Variants in USH2A observed in about 807,000 individuals in gnomAD.
USH2A encodes the protein usherin, also known as Usher syndrome 2A (autosomal recessive, mild).
In USH2A, 443 loss-of-function variants were observed where a neutral mutation model predicts 538.9. The observed-to-expected ratio is 0.82, with a 90% CI of 0.76 to 0.89. USH2A has a LOEUF of 0.89. Among genes scored for constraint, USH2A ranks in the 40% least tolerant of loss-of-function variants. USH2A has a pLI of 0.00. For missense variants in USH2A, 6,633 were observed against 6,324.8 expected, an observed-to-expected ratio of 1.05 and a Z score of -1.65; for synonymous variants, 2,413 against 2,273.5, an observed-to-expected ratio of 1.06 and a Z score of -1.75.
chr1:216,247,087 T>G lies in USH2A; in HGVS notation c.2307A>C (p.Lys769Asn). The G allele has an allele frequency of 6.2e-7, 1 of 1,614,054 alleles. No homozygotes were observed. The highest frequency in any genetic ancestry group is 8.5e-7 in the Non-Finnish European group (1 of 1,179,960). The change falls in exon 13 of 72, where the codon AAA (lysine) becomes AAC (asparagine). Residue 769 changes from lysine to asparagine, a missense_variant. Transcript: ENST00000307340. Reference protein sequence around the residue: ...CNPHSGQCECKKEAKGLQCDT... With the variant: ...CNPHSGQCECNKEAKGLQCDT... ...CACACTGAAGTCCTTTGGCTTCTTT[T>G]TTGCACTCACACTGCCCAGAGTGAG...
At chr1:215,639,821 T>TC (rs1443589913) in intron 68 of USH2A, among the ~76,000 whole-genome samples, 1 of 152,222 alleles carries the variant, frequency 6.6e-6, no homozygotes, top group Non-Finnish European at 1.5e-5. Context: ...TGTAGCTGAA[T>TC]CTTTGTAAAA....
intron 47 of USH2A, among the ~76,000 whole-genome samples, chr1:215,826,468 G>A (rs4268330): frequency 0.42 from 63,963 of 152,004 alleles, 13,786 homozygotes; most frequent in Admixed American, 0.55. Flanking sequence ...TGGATAAAAT[G>A]GAATAGGAAA....
intron 11 of USH2A, among the ~76,000 whole-genome samples, chr1:216,271,915 T>A (rs899719719): frequency 6.6e-6 from 1 of 152,154 alleles, no homozygotes; most frequent in Admixed American, 6.6e-5. Flanking sequence ...CATTTGCTAA[T>A]ATGCTGTTAA....
At chr1:215,861,634 C>T (rs1389467952) in intron 44 of USH2A, among the ~76,000 whole-genome samples, 2 of 152,112 alleles carry the variant, frequency 1.3e-5, no homozygotes, top group South Asian at 2.1e-4. Context: ...CAAGTAGGCA[C>T]ACACCCAGTG....
chr1:215,639,385 C>A, intron 68 of USH2A, 147 bp from the exon 69 acceptor site: 1 of 765,574 alleles, frequency 1.3e-6, no homozygotes, highest in South Asian at 1.6e-5. Context: ...AAAATTACTT[C>A]TAATTTTAAA....
chr1:216,068,352 TAA>T (rs909608348), intron 30 of USH2A, among the ~76,000 whole-genome samples: 1 of 152,108 alleles, frequency 6.6e-6, no homozygotes, highest in Admixed American at 6.6e-5. Context: ...CAATGGGAGA[TAA>T]AAGAGTTTGA....
At chr1:216,388,278 T>C (rs2039040137) in intron 3 of USH2A, among the ~76,000 whole-genome samples, 1 of 152,136 alleles carries the variant, frequency 6.6e-6, no homozygotes, top group South Asian at 2.1e-4. Context: ...TTTCTAAAAA[T>C]TGGGATTGTT....
chr1:215,814,991 CATT>C (rs1662817633), intron 48 of USH2A, among the ~76,000 whole-genome samples: 1 of 152,036 alleles, frequency 6.6e-6, no homozygotes, highest in African/African-American at 2.4e-5. Flanking sequence ...TTTTGGGAAA[CATT>C]GATGTTTACA....
chr1:216,207,159 C>T (rs2035131616), intron 16 of USH2A, 114 bp downstream of exon 16: 1 of 1,279,464 alleles, frequency 7.8e-7, no homozygotes, highest in Admixed American at 1.9e-5. Flanking sequence ...CTGTTTGAAA[C>T]ACTCTGTGCC....
At chr1:216,228,507 C>A (rs2102514732) in intron 14 of USH2A, among the ~76,000 whole-genome samples, 1 of 152,164 alleles carries the variant, frequency 6.6e-6, no homozygotes, top group South Asian at 2.1e-4. Context: ...TAGGGTCTTT[C>A]CCCTGCTGTT....
At chr1:216,195,378 T>TG (rs1404430046) in intron 19 of USH2A, among the ~76,000 whole-genome samples, 1 of 151,958 alleles carries the variant, frequency 6.6e-6, no homozygotes, top group Non-Finnish European at 1.5e-5. Context: ...TGAAAGAATG[T>TG]GGAAAAAAAG....
rs140665655 is a variant in USH2A, at chr1:216,190,103, T to C, written c.4396+120A>G. 1.2e-3 allele frequency: 1,722 copies of C among 1,400,224 alleles called. 19 individuals are homozygous for C. The African/African-American group carries it at 0.022, about 18-fold the overall frequency. 86.7% of individuals were successfully genotyped at this position (1,400,224 alleles called of 1,614,324 possible). ...TTAAAACTGTTGAGGTAAGAAGCAA[T>C]CAGAGTTAGTGAGGGAGGAGAAGAC... On this transcript the variant is annotated intron_variant, in intron 20 of 71. Transcript: ENST00000307340.
intron 21 of USH2A, among the ~76,000 whole-genome samples, chr1:216,150,389 A>T (rs1240743384): frequency 6.7e-6 from 1 of 149,618 alleles, no homozygotes; most frequent in African/African-American, 2.5e-5. Context: ...TCCCATTCTT[A>T]TGTCACCCTC....
chr1:215,740,412 C>T (rs1315665501), intron 60 of USH2A, among the ~76,000 whole-genome samples: 1 of 152,042 alleles, frequency 6.6e-6, no homozygotes, highest in African/African-American at 2.4e-5. Flanking sequence ...CTCAATCTTT[C>T]TCTTCCTCTC....
intron 35 of USH2A, among the ~76,000 whole-genome samples, chr1:215,984,947 T>C (rs1667837114): frequency 6.6e-6 from 1 of 152,200 alleles, no homozygotes; most frequent in African/African-American, 2.4e-5. Flanking sequence ...TGCGGGATAA[T>C]GCCTTATTAC....
chr1:215,689,386 T>A (rs1658529562), intron 61 of USH2A, among the ~76,000 whole-genome samples: 1 of 152,216 alleles, frequency 6.6e-6, no homozygotes, highest in Non-Finnish European at 1.5e-5. Flanking sequence ...TTGAAGTTTG[T>A]ATTATGTCAG....
At chr1:215,782,598 C>T (rs184430884) in intron 53 of USH2A, 140 bp downstream of exon 53, 249 of 928,180 alleles carry the variant, frequency 2.7e-4, no homozygotes, top group Admixed American at 1.0e-3. Flanking sequence ...TTAGTTGTCA[C>T]ATAATTACAG....
chr1:216,171,873 CAG>C (rs1349110965), intron 21 of USH2A, among the ~76,000 whole-genome samples: 15 of 152,030 alleles, frequency 9.9e-5, no homozygotes, highest in African/African-American at 3.6e-4. Flanking sequence ...TAATAATATA[CAG>C]AGAGTTAATT....
intron 49 of USH2A, among the ~76,000 whole-genome samples, chr1:215,809,931 C>T (rs1662617665): frequency 1.3e-5 from 2 of 152,124 alleles, no homozygotes; most frequent in African/African-American, 2.4e-5. Context: ...GCTTTTTTCC[C>T]CCTCAGTGTA....
Sources: allele counts gnomAD v4.1 joint callset (sites outside exome capture counted in the v4.1 genomes callset), GRCh38; gene constraint gnomAD v4.1.1; transcripts MANE v1.5; gene names NCBI Gene and HGNC (gene_info 2026-07-23, HGNC 2026-07-21).